The following HADHB variants were observed in gnomAD, a reference collection of about 807,000 sequenced individuals.
The protein encoded by HADHB is hydroxyacyl-CoA dehydrogenase trifunctional multienzyme complex subunit beta.
In HADHB, 50 loss-of-function variants were observed where a neutral mutation model predicts 61.9. The ratio of observed to expected loss-of-function variants is 0.81; its 90% confidence interval spans 0.64 to 1.02. The LOEUF (loss-of-function observed/expected upper bound fraction) is 1.02. Among genes scored for constraint, HADHB ranks in the 50% least tolerant of loss-of-function variants. The pLI is 0.00. For missense variants in HADHB, 504 were observed against 586.5 expected, an observed-to-expected ratio of 0.86 and a Z score of 1.45; for synonymous variants, 191 against 201.6, an observed-to-expected ratio of 0.95 and a Z score of 0.45.
At chr2:26,256,523 CTG>C (rs1320978985) in intron 3 of HADHB, among the ~76,000 whole-genome samples, 82 of 47,160 alleles carry the variant, frequency 1.7e-3, no homozygotes, top group African/African-American at 5.6e-3. Flanking sequence ...GTCTTTCTCT[CTG>C]TGTATATATA....
At chr2:26,286,812 T>C (rs1673051924) in intron 15 of HADHB, among the ~76,000 whole-genome samples, 1 of 136,904 alleles carries the variant, frequency 7.3e-6, no homozygotes, top group Admixed American at 7.5e-5. Context: ...GGCCTGTTTT[T>C]GTTTTTTTTT....
intron 14 of HADHB, 25 bp downstream of exon 14, chr2:26,284,982 C>T (rs373050054): frequency 1.0e-5 from 12 of 1,154,064 alleles, no homozygotes; most frequent in African/African-American, 3.0e-5. Context: ...TTAAAAAATG[C>T]GTGAATTTTC....
At chr2:26,285,317 C>G (rs1026253123) in intron 14 of HADHB, 90 bp from the exon 15 acceptor site, 5 of 1,101,636 alleles carry the variant, frequency 4.5e-6, no homozygotes, top group Non-Finnish European at 5.6e-6. Context: ...GTATTTTCCT[C>G]TATCTCTCTT....
intron 4 of HADHB, among the ~76,000 whole-genome samples, chr2:26,264,420 C>T (rs574866052): frequency 4.0e-4 from 61 of 151,732 alleles, no homozygotes; most frequent in Admixed American, 9.2e-4. Flanking sequence ...CATGGTGGTA[C>T]ATACCTGTAG....
At chr2:26,289,174 C>T (rs577569904) in intron 15 of HADHB, among the ~76,000 whole-genome samples, 12 of 152,164 alleles carry the variant, frequency 7.9e-5, no homozygotes, top group African/African-American at 2.4e-4. Context: ...GGCGTGAACC[C>T]GGGAGGCGGA....
intron 3 of HADHB, among the ~76,000 whole-genome samples, chr2:26,258,119 C>G (rs1671706711): frequency 6.6e-6 from 1 of 152,126 alleles, no homozygotes; most frequent in African/African-American, 2.4e-5. Context: ...TGCATTAGGT[C>G]CCTTAACTGA....
At chr2:26,251,067 C>T (rs1054157183) in intron 1 of HADHB, among the ~76,000 whole-genome samples, 1 of 151,268 alleles carries the variant, frequency 6.6e-6, no homozygotes, top group Admixed American at 6.6e-5. Flanking sequence ...ATTTATTATA[C>T]ACTAAATTCT....
intron 1 of HADHB, 89 bp downstream of exon 1, chr2:26,245,079 G>C (rs964939925): frequency 1.4e-5 from 3 of 218,124 alleles, no homozygotes; most frequent in Admixed American, 5.2e-5. Context: ...GGTGCCCCCG[G>C]CCCCCTCCCC....
chr2:26,289,142 C>T (rs1185365601), intron 15 of HADHB, among the ~76,000 whole-genome samples: 3 of 151,870 alleles, frequency 2.0e-5, no homozygotes, highest in East Asian at 1.9e-4. Flanking sequence ...CCCAGCTACT[C>T]GGGAGGCTGA....
At chr2:26,255,447 C>T (rs918002694) in intron 3 of HADHB, among the ~76,000 whole-genome samples, 4 of 150,006 alleles carry the variant, frequency 2.7e-5, no homozygotes, top group African/African-American at 7.4e-5. Context: ...TGCAGTGAGC[C>T]GAGGTCACAC....
intron 4 of HADHB, among the ~76,000 whole-genome samples, chr2:26,265,240 CTT>C (rs1011299257): frequency 6.6e-6 from 1 of 152,006 alleles, no homozygotes; most frequent in Non-Finnish European, 1.5e-5. Context: ...GCTAGGAAGA[CTT>C]TTTTTGTAAG....
chr2:26,264,919 G>A (rs767131058), intron 4 of HADHB, among the ~76,000 whole-genome samples: 4 of 151,606 alleles, frequency 2.6e-5, no homozygotes, highest in Non-Finnish European at 5.9e-5. Flanking sequence ...GAACCCAAGA[G>A]GTGGAGGTTG....
intron 14 of HADHB, 115 bp from the exon 15 acceptor site, chr2:26,285,292 T>C: frequency 2.4e-6 from 2 of 847,390 alleles, no homozygotes; most frequent in Non-Finnish European, 3.9e-6. Context: ...TTATTTGTAA[T>C]ATGTCTGACG....
chr2:26,259,098 A>G (rs961099268), intron 3 of HADHB, among the ~76,000 whole-genome samples: 4 of 152,132 alleles, frequency 2.6e-5, no homozygotes, highest in African/African-American at 9.7e-5. Flanking sequence ...GAACTTGGAA[A>G]TCCTGAGTGG....
chr2:26,274,659 G>A lies in HADHB; in HGVS notation c.354+909G>A, dbSNP rs59084890. 6.3e-3 allele frequency among the ~76,000 whole-genome samples: 957 copies of A among 152,160 alleles called. 8 individuals carry two copies. The highest frequency in any genetic ancestry group is 0.022 in the African/African-American group (895 of 41,524). On this transcript the variant is annotated intron_variant, in intron 6 of 15. Transcript: ENST00000317799. ...TTTTATTTCCCTTCTGAAATTTTTT[G>A]TTTTTCCTTGAACCTTGACATTTCT... is the stretch of plus-strand genomic sequence containing the variant.
At chr2:26,263,257 C>A in intron 3 of HADHB, 123 bp from the exon 4 acceptor site, 2 of 613,440 alleles carry the variant, frequency 3.3e-6, no homozygotes, top group South Asian at 3.4e-5. Context: ...CGAGATCACG[C>A]CATTGCACTC....
At chr2:26,284,373 A>G (rs746519408) in intron 13 of HADHB, among the ~76,000 whole-genome samples, 169 bp downstream of exon 13, 3 of 152,198 alleles carry the variant, frequency 2.0e-5, no homozygotes, top group Admixed American at 6.5e-5. Context: ...GAGGGAAGCA[A>G]GGGCCACACA....
chr2:26,279,314 A>G lies in HADHB; in HGVS notation c.810A>G (p.Pro270=), dbSNP rs775276309. Reference sequence around the variant, plus strand: ...CTGATGTGGTACCCTTCAAAGTACCAGGTGAAATGAAATGCTTCATGACAC... The same window carrying G: ...CTGATGTGGTACCCTTCAAAGTACCGGGTGAAATGAAATGCTTCATGACAC... ...LLSDVVPFKV[P]GKDTVTKDNG... Residue 270 remains proline (P), a splice_region_variant and synonymous_variant, in exon 9 of 16, where the codon CCA becomes CCG. Coordinates refer to ENST00000317799, the MANE Select transcript of HADHB (RefSeq NM_000183.3). The G allele has an allele frequency of 1.9e-6, 3 of 1,603,026 alleles. No homozygotes were observed. Among genetic ancestry groups the G allele is most frequent in the Non-Finnish European group, 1.7e-6 (2 of 1,169,912 alleles).
intron 4 of HADHB, 82 bp from the exon 5 acceptor site, chr2:26,269,871 T>A: frequency 3.4e-6 from 3 of 871,658 alleles, no homozygotes; most frequent in Non-Finnish European, 6.0e-6. Context: ...TGTTTGATGA[T>A]CTCTGGGTAT....
Sources: gnomAD v4.1 joint callset for allele counts (sites outside exome capture counted in the v4.1 genomes callset) on GRCh38, gnomAD v4.1.1 for gene constraint, MANE v1.5 for transcripts, NCBI Gene and HGNC (gene_info 2026-07-23, HGNC 2026-07-21) for gene names.